The following CTNNBL1 variants were observed in gnomAD, a reference collection of about 807,000 sequenced individuals.
The protein encoded by CTNNBL1 is catenin beta like 1, also known as beta-catenin-like protein 1.
Under a neutral mutation model 72.7 loss-of-function variants are expected in CTNNBL1, and 31 were observed. The ratio of observed to expected loss-of-function variants is 0.43; its 90% CI spans 0.32 to 0.58. The LOEUF is 0.58. Ranked by LOEUF, CTNNBL1 falls within the 20% of genes least tolerant of loss-of-function variation. The pLI is 0.08. For synonymous variants in CTNNBL1, 240 were observed against 267.3 expected (o/e 0.90, Z 1.00); for missense variants, 534 against 725.1 (o/e 0.74, Z 3.03).
At chr20:37,779,454 G>T in intron 10 of CTNNBL1, 119 bp downstream of exon 10, 2 of 1,142,966 alleles carry the variant, frequency 1.7e-6, no homozygotes, top group Non-Finnish European at 2.5e-6. Flanking sequence ...ACTTTACCCT[G>T]AAGAGTAAAG....
chr20:37,860,232 TG>T, intron 14 of CTNNBL1, 39 bp from the exon 15 acceptor site: 1 of 1,570,318 alleles, frequency 6.4e-7, no homozygotes, highest in East Asian at 2.2e-5. Flanking sequence ...TCAGGACAAA[TG>T]GTTGTCTTTC....
At chr20:37,742,826 C>A (rs2073229448) in intron 3 of CTNNBL1, among the ~76,000 whole-genome samples, 1 of 152,152 alleles carries the variant, frequency 6.6e-6, no homozygotes, top group African/African-American at 2.4e-5. Flanking sequence ...TTTTTTGAGA[C>A]AGAGTCTCAC....
At chr20:37,845,430 C>G (rs959900106) in intron 13 of CTNNBL1, among the ~76,000 whole-genome samples, 2 of 152,224 alleles carry the variant, frequency 1.3e-5, no homozygotes, top group Non-Finnish European at 1.5e-5. Flanking sequence ...GCACCAAGGC[C>G]GTGCTGTTCC....
chr20:37,746,936 C>T (rs962005757), intron 4 of CTNNBL1, among the ~76,000 whole-genome samples: 3 of 152,224 alleles, frequency 2.0e-5, no homozygotes, highest in African/African-American at 7.2e-5. Flanking sequence ...GGGGGCAAAG[C>T]CAGACAGATT....
intron 10 of CTNNBL1, among the ~76,000 whole-genome samples, chr20:37,794,151 T>C (rs2073749376): frequency 6.6e-6 from 1 of 152,206 alleles, no homozygotes; most frequent in African/African-American, 2.4e-5. Context: ...CACCCACTTA[T>C]TTGCCATTTT....
chr20:37,713,733 C>T (rs1200591021), intron 1 of CTNNBL1, among the ~76,000 whole-genome samples: 1 of 152,112 alleles, frequency 6.6e-6, no homozygotes, highest in Non-Finnish European at 1.5e-5. Context: ...TAAGTGAATG[C>T]AAAGCAGCTC....
At chr20:37,750,302 G>C (rs983251440) in intron 4 of CTNNBL1, 1 of 152,220 alleles carries the variant, frequency 6.6e-6, no homozygotes, top group African/African-American at 2.4e-5. Flanking sequence ...TCTGATCTGT[G>C]AAGAGCATAT....
intron 5 of CTNNBL1, among the ~76,000 whole-genome samples, chr20:37,762,785 C>T (rs537615514): frequency 1.5e-4 from 23 of 152,236 alleles, no homozygotes; most frequent in Non-Finnish European, 3.2e-4. Flanking sequence ...CTGCTTTTGG[C>T]CTTCCTGCAA....
chr20:37,712,060 G>A (rs1181890010), intron 1 of CTNNBL1, among the ~76,000 whole-genome samples: 2 of 152,236 alleles, frequency 1.3e-5, no homozygotes, highest in East Asian at 3.8e-4. Context: ...CTGTGGGAGG[G>A]TGTGGAATTC....
At chr20:37,760,155 A>G (rs1320265508) in intron 5 of CTNNBL1, among the ~76,000 whole-genome samples, 1 of 152,234 alleles carries the variant, frequency 6.6e-6, no homozygotes, top group African/African-American at 2.4e-5. Flanking sequence ...TTGATCTGGT[A>G]GCCTGGAAAA....
chr20:37,794,659 A>ATTT (rs151203828), intron 10 of CTNNBL1, among the ~76,000 whole-genome samples: 2 of 143,698 alleles, frequency 1.4e-5, no homozygotes, highest in African/African-American at 5.1e-5. Context: ...CACCTGGCTA[A>ATTT]TTTTTTTTTT....
Position 37,831,054 on chromosome 20 carries a change from T to C in CTNNBL1, c.1214-9048T>C, listed in dbSNP as rs547828132. 3.9e-5 allele frequency among the ~76,000 whole-genome samples: 6 copies of C among 152,336 alleles called. No homozygotes were observed. In the South Asian group the frequency reaches 1.2e-3, roughly 32 times the overall value. On this transcript the variant is annotated intron_variant, in intron 11 of 15. Transcript: ENST00000361383. ...AGGCTTCAAAAACTAAGTGTGCCCATAGAACCCCAAATTCTGGTTTCTGTC... is the reference window on the plus strand; with the variant it reads ...AGGCTTCAAAAACTAAGTGTGCCCACAGAACCCCAAATTCTGGTTTCTGTC...
At chr20:37,835,666 AAAGT>A (rs1402568990) in intron 11 of CTNNBL1, among the ~76,000 whole-genome samples, 2 of 152,234 alleles carry the variant, frequency 1.3e-5, no homozygotes, top group African/African-American at 4.8e-5. Flanking sequence ...TATTTGTGCA[AAAGT>A]AAGTCAAAAT....
chr20:37,808,935 C>CT (rs2071984294), intron 11 of CTNNBL1, among the ~76,000 whole-genome samples: 3 of 151,930 alleles, frequency 2.0e-5, no homozygotes, highest in African/African-American at 7.2e-5. Flanking sequence ...ATGCTTAACT[C>CT]TAATATTCCC....
At chr20:37,739,666 C>T (rs890347309) in intron 3 of CTNNBL1, among the ~76,000 whole-genome samples, 8 of 152,232 alleles carry the variant, frequency 5.3e-5, no homozygotes, top group Non-Finnish European at 8.8e-5. Context: ...GCCCACAATG[C>T]ATGTGATCAG....
At chr20:37,749,404 A>G (rs991343321) in intron 4 of CTNNBL1, among the ~76,000 whole-genome samples, 5 of 152,216 alleles carry the variant, frequency 3.3e-5, no homozygotes, top group African/African-American at 1.2e-4. Context: ...GCTGCTCGAC[A>G]TCGGCATATT....
At chr20:37,834,631 T>C (rs905975810) in intron 11 of CTNNBL1, among the ~76,000 whole-genome samples, 3 of 152,230 alleles carry the variant, frequency 2.0e-5, no homozygotes, top group Admixed American at 2.0e-4. Context: ...GATTGCCTTT[T>C]ATATGTGGGA....
chr20:37,782,069 A>G (rs939128701), intron 10 of CTNNBL1, among the ~76,000 whole-genome samples: 3 of 152,304 alleles, frequency 2.0e-5, no homozygotes, highest in Non-Finnish European at 2.9e-5. Flanking sequence ...GAATTAAACT[A>G]TATAAAGTAT....
chr20:37,748,051 C>T (rs956513752), intron 4 of CTNNBL1, among the ~76,000 whole-genome samples: 6 of 152,178 alleles, frequency 3.9e-5, no homozygotes, highest in Non-Finnish European at 8.8e-5. Context: ...GTTCATTAAA[C>T]CAAATTCTCT....
Sources: gnomAD v4.1 joint callset for allele counts (sites outside exome capture counted in the v4.1 genomes callset) on GRCh38, gnomAD v4.1.1 for gene constraint, MANE v1.5 for transcripts, NCBI Gene and HGNC (gene_info 2026-07-23, HGNC 2026-07-21) for gene names.